The following SMYD4 variants were observed in gnomAD, a reference collection of about 807,000 sequenced individuals.
SMYD4 encodes SET and MYND domain containing 4, also known as protein-lysine N-methyltransferase SMYD4.
In SMYD4, 68 loss-of-function variants were observed where a neutral mutation model predicts 72.8. The ratio of observed to expected loss-of-function variants is 0.93; its 90% CI spans 0.77 to 1.14. The LOEUF is 1.14. Among genes scored for constraint, SMYD4 ranks in the 50% most tolerant of loss-of-function variants. The pLI is 0.00. For missense variants in SMYD4, 984 were observed against 1,003.7 expected (o/e 0.98, Z 0.27); for synonymous variants, 407 against 388.6 (o/e 1.05, Z -0.56).
chr17:1,781,320 T>C lies in SMYD4; in HGVS notation c.2381A>G (p.Asp794Gly). The C allele has an allele frequency of 6.2e-7, 1 of 1,613,722 alleles. No homozygotes were observed. Among genetic ancestry groups the C allele is most frequent in the Non-Finnish European group, 8.5e-7 (1 of 1,180,018 alleles). ...ELQKMKSCLL[D>G]LPPTPVGPAL is the part of the protein sequence containing the mutation. The stretch of plus-strand genomic sequence containing the variant: ...AGGCCCTACAGGGGTGGGTGGTAAG[T>C]CCAACAAACAGGATTTCATCTTCTG... The change falls in exon 11 of 11, where the codon GAC (aspartate) becomes GGC (glycine). Residue 794 changes from aspartate to glycine, a missense_variant. Coordinates refer to ENST00000305513, the MANE Select transcript of SMYD4 (RefSeq NM_052928.3).
At position 1,783,080 on chromosome 17, in the gene SMYD4, T is replaced by G; in HGVS notation, c.2216A>C (p.Glu739Ala). The G allele has an allele frequency of 6.2e-7, 1 of 1,614,192 alleles. No homozygotes were observed. The change falls in exon 10 of 11, where the codon GAA (glutamate) becomes GCA (alanine). Residue 739 changes from glutamate (E) to alanine (A), a missense_variant. By Grantham distance (107) the Glu-to-Ala change is moderately radical (BLOSUM62 -1). Coordinates refer to ENST00000305513, the MANE Select transcript of SMYD4 (RefSeq NM_052928.3). Reference sequence around the variant, plus strand: ...CAATTTGAAGAGCTCATGGCCCATTTCAACACTGGACGGCCCGTGGCGAAC... The same window carrying G: ...CAATTTGAAGAGCTCATGGCCCATTGCAACACTGGACGGCCCGTGGCGAAC... ...VEVRHGPSSV[E>A]MGHELFKLAQ... is the part of the protein sequence containing the mutation.
rs776062355 is a variant in SMYD4, at chr17:1,783,331, G to A, written c.2137+29C>T. On this transcript the variant is annotated intron_variant, in intron 9 of 10. Coordinates refer to ENST00000305513, the MANE Select transcript of SMYD4 (RefSeq NM_052928.3). ...GAAGTGCCCACAGCAGACTGTTCCC[G>A]ACGCAGAACGTGAAGGCTCATGCTG... 70 of 1,611,398 alleles carry A rather than the reference G, an allele frequency of 4.3e-5. 1 individual carries two copies. The South Asian group carries it at 5.3e-4, about 12-fold the overall frequency.
At chr17:1,794,065 A>ATATGTATATATATG (rs1555575715) in intron 5 of SMYD4, among the ~76,000 whole-genome samples, 1 of 58,312 alleles carries the variant, frequency 1.7e-5, no homozygotes, top group East Asian at 3.1e-4. Flanking sequence ...GTGTATATAT[A>ATATGTATATATATG]TGTGTATATA....
chr17:1,812,183 G>C (rs1230996083), intron 2 of SMYD4, 68 bp from the exon 3 acceptor site: 1 of 1,556,924 alleles, frequency 6.4e-7, no homozygotes, highest in Non-Finnish European at 8.7e-7. Flanking sequence ...CTAAACCATT[G>C]CCCTCAAAAC....
At chr17:1,790,637 C>T (rs1282000419) in intron 5 of SMYD4, among the ~76,000 whole-genome samples, 1 of 152,012 alleles carries the variant, frequency 6.6e-6, no homozygotes, top group African/African-American at 2.4e-5. Context: ...CTGCCTCAGC[C>T]TCCTGAGTAG....
intron 10 of SMYD4, chr17:1,782,820 G>T (rs1041684942): frequency 1.9e-5 from 9 of 482,794 alleles, no homozygotes; most frequent in Non-Finnish European, 2.8e-5. Context: ...AGGCTACAGT[G>T]CAGTGGCGCG....
intron 2 of SMYD4, among the ~76,000 whole-genome samples, chr17:1,816,794 T>C (rs1910622894): frequency 6.6e-6 from 1 of 151,804 alleles, no homozygotes; most frequent in Admixed American, 6.6e-5. Context: ...ACTGTGGTTT[T>C]GGTGTGTGTT....
intron 5 of SMYD4, 76 bp from the exon 6 acceptor site, chr17:1,787,680 T>C (rs1908780374): frequency 7.7e-6 from 11 of 1,436,768 alleles, no homozygotes; most frequent in Admixed American, 2.4e-5. Flanking sequence ...CCTCAGAAGA[T>C]GAGCTGGGCA....
intron 3 of SMYD4, among the ~76,000 whole-genome samples, chr17:1,811,279 G>A (rs1309997597): frequency 1.3e-5 from 2 of 152,158 alleles, no homozygotes; most frequent in African/African-American, 4.8e-5. Flanking sequence ...CACGCCCTGC[G>A]AGGGGAACAA....
rs543382355 is a variant in SMYD4, at chr17:1,799,565, G to A, written c.1537+292C>T. Among the ~76,000 whole-genome samples the A allele has an allele frequency of 5.9e-5, 9 of 151,754 alleles. No homozygotes were observed. The South Asian group carries it at 1.9e-3, about 32-fold the overall frequency. ...TTTTATTTTTATTTTTAGTAGAGAC[G>A]GGGTTTCACCATGTTGGCCAGGATG... is the stretch of plus-strand genomic sequence containing the variant. On this transcript the variant is annotated intron_variant, in intron 5 of 10. Transcript: ENST00000305513.
intron 5 of SMYD4, among the ~76,000 whole-genome samples, chr17:1,791,802 G>C (rs1299275627): frequency 1.3e-5 from 2 of 151,966 alleles, no homozygotes; most frequent in Non-Finnish European, 2.9e-5. Flanking sequence ...TGGGAGGATC[G>C]CTTGAGCCCA....
intron 5 of SMYD4, among the ~76,000 whole-genome samples, chr17:1,793,423 GGGCTGACTCACAT>G (rs1909167509): frequency 6.6e-6 from 1 of 151,452 alleles, no homozygotes; most frequent in Non-Finnish European, 1.5e-5. Flanking sequence ...GTTTTGCCTG[GGGCTGACTCACAT>G]GACTGCCTTT....
intron 5 of SMYD4, among the ~76,000 whole-genome samples, chr17:1,799,388 G>C (rs75321233): frequency 7.2e-6 from 1 of 139,430 alleles, no homozygotes; most frequent in Non-Finnish European, 1.6e-5. Flanking sequence ...TTTTTTTTTT[G>C]AGATGGAGTC....
intron 3 of SMYD4, among the ~76,000 whole-genome samples, chr17:1,805,734 C>T (rs980246109): frequency 6.6e-6 from 1 of 151,308 alleles, no homozygotes; most frequent in African/African-American, 2.4e-5. Context: ...ATTGCTTGGA[C>T]TCAGGAAGCA....
At chr17:1,818,619 T>C (rs1433273257) in intron 2 of SMYD4, among the ~76,000 whole-genome samples, 3 of 152,162 alleles carry the variant, frequency 2.0e-5, no homozygotes, top group African/African-American at 4.8e-5. Context: ...TAGTTATTTC[T>C]CTTTAGCCTC....
intron 2 of SMYD4, among the ~76,000 whole-genome samples, chr17:1,824,671 GAGC>G (rs1187022282): frequency 6.6e-6 from 1 of 151,934 alleles, no homozygotes; most frequent in Admixed American, 6.6e-5. Context: ...CCAGGCTGGA[GAGC>G]AGTGGCACAA....
chr17:1,794,075 ATATGTG>A (rs1256946258), intron 5 of SMYD4, among the ~76,000 whole-genome samples: 4 of 43,814 alleles, frequency 9.1e-5, no homozygotes, highest in Non-Finnish European at 1.5e-4. Flanking sequence ...ATGTGTATAT[ATATGTG>A]TATATATATA....
chr17:1,794,888 G>C (rs1784017629), intron 5 of SMYD4, among the ~76,000 whole-genome samples: 1 of 152,008 alleles, frequency 6.6e-6, no homozygotes, highest in African/African-American at 2.4e-5. Flanking sequence ...TTTCCATTAA[G>C]AACATGGCAT....
chr17:1,805,873 G>A (rs891539466), intron 3 of SMYD4, among the ~76,000 whole-genome samples: 1 of 150,218 alleles, frequency 6.7e-6, no homozygotes, highest in Non-Finnish European at 1.5e-5. Flanking sequence ...GGTAGACAAT[G>A]AGCAAAATAA....
Sources: gnomAD v4.1 joint callset for allele counts (sites outside exome capture counted in the v4.1 genomes callset) on GRCh38, gnomAD v4.1.1 for gene constraint, MANE v1.5 for transcripts, NCBI Gene and HGNC (gene_info 2026-07-23, HGNC 2026-07-21) for gene names.